Variants in MARK2 observed in about 807,000 individuals in gnomAD.
MARK2 encodes microtubule affinity regulating kinase 2, also known as serine/threonine-protein kinase MARK2.
Under a neutral mutation model 89.8 loss-of-function variants are expected in MARK2, and 16 were observed. The observed-to-expected ratio is 0.18, with a 90% CI of 0.12 to 0.27. MARK2 has a LOEUF of 0.27. MARK2 is among the 10% of genes least tolerant of loss of function. The probability of loss-of-function intolerance (pLI) is 1.00; values close to 1 mark genes in which losing one functional copy is unlikely to be tolerated. For synonymous variants in MARK2, 382 were observed against 399.5 expected (o/e 0.96, Z 0.52); for missense variants, 621 against 1,049.9 (o/e 0.59, Z 5.65).
intron 1 of MARK2, among the ~76,000 whole-genome samples, chr11:63,876,131 CTT>C (rs1209147885): frequency 2.0e-5 from 3 of 152,164 alleles, no homozygotes; most frequent in Non-Finnish European, 4.4e-5. Flanking sequence ...CTGCTGGAGA[CTT>C]TTCTAGCTCC....
chr11:63,870,336 G>T (rs2067075791), intron 1 of MARK2, among the ~76,000 whole-genome samples: 1 of 152,200 alleles, frequency 6.6e-6, no homozygotes, highest in African/African-American at 2.4e-5. Context: ...GGTTCCCAGA[G>T]TGTTGGGATT....
chr11:63,877,662 T>C (rs1938849029), intron 1 of MARK2, among the ~76,000 whole-genome samples: 1 of 152,066 alleles, frequency 6.6e-6, no homozygotes, highest in South Asian at 2.1e-4. Flanking sequence ...ATCGCGCCAC[T>C]GCACTCCAGC....
rs555313327 is a variant in MARK2 at position 63,901,369 on chromosome 11, A to G, written c.1101+300A>G. ...CTAGGTCATCGGCTAGCACTACTAC[A>G]TTGATCTAGATATCTTTGTGTCTCT... On this transcript the variant is annotated intron_variant, in intron 11 of 18. Coordinates refer to ENST00000402010, the MANE Select transcript of MARK2 (RefSeq NM_001039469.3). 1.6e-4 allele frequency among the ~76,000 whole-genome samples: 23 copies of G among 147,104 alleles called. No homozygotes were observed. In the South Asian group the frequency reaches 4.8e-3, roughly 31 times the overall value.
In MARK2 at chr11:63,861,354, G is replaced by C. The variant is rs368011904; in HGVS notation, c.54+21794G>C. 4.6e-5 allele frequency among the ~76,000 whole-genome samples: 7 copies of C among 152,262 alleles called. No homozygotes were observed. In the East Asian group the frequency reaches 9.6e-4, roughly 21 times the overall value. On this transcript the variant is annotated intron_variant, in intron 1 of 18. Transcript: ENST00000402010. ...TGGAGGCTGAGGCAGAGAATTGCTT[G>C]ACCCCGGGAGGTGGAGGTTGCAGTG...
At chr11:63,897,122 C>G (rs1940474277) in intron 3 of MARK2, among the ~76,000 whole-genome samples, 1 of 152,178 alleles carries the variant, frequency 6.6e-6, no homozygotes, top group Non-Finnish European at 1.5e-5. Flanking sequence ...TCTAGACAAG[C>G]CCAGAAAACC....
At chr11:63,850,315 A>ATTTTTTTTTTTTTTTTTTTT (rs34074167) in intron 1 of MARK2, among the ~76,000 whole-genome samples, 4 of 95,756 alleles carry the variant, frequency 4.2e-5, no homozygotes, top group Non-Finnish European at 7.8e-5. Context: ...TACCTGGCTA[A>ATTTTTTTTTTTTTTTTTTTT]TTTTTTTTTT....
chr11:63,903,946 C>T lies in MARK2; in HGVS notation c.1515-40C>T. On this transcript the variant is annotated intron_variant, in intron 14 of 18. Transcript: ENST00000402010. The surrounding 1 kb of genome is among the most constrained non-coding windows in gnomAD (Gnocchi z 5.1). ...CTAATCCAGGCCTCCCGCCCTCACTCACCCCTAACACGGGCCTCTCCGCTG... is the reference window on the plus strand; with the variant it reads ...CTAATCCAGGCCTCCCGCCCTCACTTACCCCTAACACGGGCCTCTCCGCTG... 6.5e-7 allele frequency: 1 copy of T among 1,540,858 alleles called. No homozygotes were observed.
rs779245115 is a variant in MARK2, at chr11:63,904,883, T to C, written c.1774T>C (p.Ser592Pro). ...PDRTNFPRGVSSRSTFHAGQL... is the reference protein window; with the variant it reads ...PDRTNFPRGVPSRSTFHAGQL... ...CCGAACTAACTTCCCCCGGGGTGTG[T>C]CCAGCCGAAGCACCTTCCATGCTGG... Residue 592 changes from serine (S) to proline (P), a missense_variant, in exon 16 of 19, where the codon TCC (serine) becomes CCC (proline). Physicochemically the swap from Ser to Pro is moderately conservative, Grantham distance 74. Coordinates refer to ENST00000402010, the MANE Select transcript of MARK2 (RefSeq NM_001039469.3). The surrounding 1 kb of genome is among the most constrained non-coding windows in gnomAD (Gnocchi z 6.3). 27 of 1,614,058 alleles carry C rather than the reference T, an allele frequency of 1.7e-5. No homozygotes were observed. Among genetic ancestry groups the C allele is most frequent in the Non-Finnish European group, 2.1e-5 (25 of 1,180,040 alleles).
chr11:63,886,141 AAAG>A (rs908874386), intron 1 of MARK2, among the ~76,000 whole-genome samples: 2 of 151,920 alleles, frequency 1.3e-5, no homozygotes, highest in African/African-American at 4.8e-5. Flanking sequence ...AAAAAAAAAA[AAAG>A]AGACGAGAGT....
chr11:63,870,685 A>G (rs1938395192), intron 1 of MARK2, among the ~76,000 whole-genome samples: 1 of 152,214 alleles, frequency 6.6e-6, no homozygotes, highest in Non-Finnish European at 1.5e-5. Flanking sequence ...TTCAGCAAGC[A>G]ATGAAGTGCT....
chr11:63,888,626 G>C, intron 1 of MARK2: 1 of 1,147,794 alleles, frequency 8.7e-7, no homozygotes, highest in African/African-American at 1.6e-5. Flanking sequence ...CGCGCTTCCT[G>C]ACCACCAGGC....
intron 1 of MARK2, among the ~76,000 whole-genome samples, chr11:63,865,730 A>G (rs1688313548): frequency 6.6e-6 from 1 of 152,210 alleles, no homozygotes; most frequent in African/African-American, 2.4e-5. Context: ...AATTGATTAG[A>G]TGACAGTCCT....
intron 1 of MARK2, among the ~76,000 whole-genome samples, chr11:63,853,235 C>T (rs956628074): frequency 1.3e-5 from 2 of 152,118 alleles, no homozygotes; most frequent in Admixed American, 6.5e-5. Flanking sequence ...TCCTTCTCTA[C>T]TAAAAATACA....
intron 1 of MARK2, chr11:63,890,328 C>T (rs1234476120): frequency 2.3e-6 from 3 of 1,289,904 alleles, no homozygotes; most frequent in Non-Finnish European, 3.1e-6. Context: ...ACTTGGAGTC[C>T]TCTGAGTTGG....
chr11:63,876,369 G>C (rs1001332038), intron 1 of MARK2, among the ~76,000 whole-genome samples: 9 of 152,244 alleles, frequency 5.9e-5, no homozygotes, highest in Admixed American at 1.3e-4. Flanking sequence ...AGTTGGGAAA[G>C]GATATGTAAT....
At chr11:63,905,284 A>G (rs1428387661) in intron 16 of MARK2, among the ~76,000 whole-genome samples, 4 of 152,192 alleles carry the variant, frequency 2.6e-5, no homozygotes, top group Non-Finnish European at 5.9e-5. Flanking sequence ...TCTGGCCCCA[A>G]GCAGATGGCC....
At chr11:63,888,465 G>A (rs1302416016) in intron 1 of MARK2, 1 of 965,452 alleles carries the variant, frequency 1.0e-6, no homozygotes, top group Non-Finnish European at 1.2e-6. Flanking sequence ...CCTTGGGGAG[G>A]GTGGGGCTGC....
chr11:63,900,506 C>T lies in MARK2; in HGVS notation c.769-53C>T. On this transcript the variant is annotated intron_variant, in intron 8 of 18. Coordinates refer to ENST00000402010, the MANE Select transcript of MARK2 (RefSeq NM_001039469.3). This position sits in a 1 kb window ranked among gnomAD's most constrained non-coding sequence, Gnocchi z 4.7. ...TCTCAGGATCTTGGATATTAGGTTTCTTCCTTTGGCCTTGGGGTGATTTCA... is the reference window on the plus strand; with the variant it reads ...TCTCAGGATCTTGGATATTAGGTTTTTTCCTTTGGCCTTGGGGTGATTTCA... The T allele has an allele frequency of 1.3e-6, 2 of 1,594,096 alleles. No individual in the cohort carries two copies. The highest frequency in any genetic ancestry group is 1.7e-6 in the Non-Finnish European group (2 of 1,169,154).
intron 7 of MARK2, 37 bp downstream of exon 7, chr11:63,899,145 A>C (rs752800944): frequency 1.4e-6 from 2 of 1,434,762 alleles, no homozygotes; most frequent in Non-Finnish European, 2.0e-6. Context: ...TTTGAGTGGG[A>C]GCCAGGTTGT....
Sources: allele counts gnomAD v4.1 joint callset (sites outside exome capture counted in the v4.1 genomes callset), GRCh38; gene constraint gnomAD v4.1.1; non-coding constraint Gnocchi (gnomAD v3.1); transcripts MANE v1.5; gene names NCBI Gene and HGNC (gene_info 2026-07-23, HGNC 2026-07-21).